Variants in UBL3 observed in about 807,000 individuals in gnomAD.
The protein encoded by UBL3 is ubiquitin like 3.
In UBL3, 6 loss-of-function variants were observed where a neutral mutation model predicts 18.4. The observed-to-expected ratio is 0.33, with a 90% CI of 0.18 to 0.64. UBL3 has a LOEUF of 0.64. UBL3 is among the 30% of genes least tolerant of loss of function. The pLI is 0.76. For synonymous variants in UBL3, 49 were observed against 46.6 expected (o/e 1.05, Z -0.21); for missense variants, 109 against 142.9 (o/e 0.76, Z 1.21).
intron 2 of UBL3, among the ~76,000 whole-genome samples, chr13:29,773,222 A>C (rs368736090): frequency 4.6e-5 from 7 of 152,180 alleles, no homozygotes; most frequent in Admixed American, 3.3e-4. Context: ...CAAAATGATG[A>C]ATGTGAATTT....
intron 1 of UBL3, among the ~76,000 whole-genome samples, chr13:29,818,155 G>A (rs1408145463): frequency 1.3e-5 from 2 of 152,120 alleles, no homozygotes; most frequent in African/African-American, 2.4e-5. Flanking sequence ...GTGAAAAAAG[G>A]AAGTTCAGCA....
At chr13:29,817,954 T>C in intron 1 of UBL3, among the ~76,000 whole-genome samples, 1 of 152,244 alleles carries the variant, frequency 6.6e-6, no homozygotes, top group Admixed American at 6.5e-5. Context: ...TAGCCTGAAC[T>C]GACAGCAAAA....
intron 1 of UBL3, among the ~76,000 whole-genome samples, chr13:29,823,803 ACCCATTAACT>A (rs1380150632): frequency 3.3e-5 from 5 of 151,776 alleles, no homozygotes; most frequent in Non-Finnish European, 7.4e-5. Context: ...GGTGTGCTGC[ACCCATTAACT>A]CGTCATTTAC....
At chr13:29,804,073 T>A (rs1877840634) in intron 1 of UBL3, among the ~76,000 whole-genome samples, 2 of 149,776 alleles carry the variant, frequency 1.3e-5, no homozygotes, top group African/African-American at 2.5e-5. Flanking sequence ...CATAAGACAA[T>A]CCTCAGCTAA....
chr13:29,772,098 A>T lies in UBL3; in HGVS notation c.223+14T>A, dbSNP rs774860902. ...GAGACAGACATTAAATCCCATTACA[A>T]AGGTGGCTGTTACCTCCTAATGTGA... On this transcript the variant is annotated intron_variant, in intron 3 of 4. Coordinates refer to ENST00000380680, the MANE Select transcript of UBL3 (RefSeq NM_007106.4). 4 of 1,602,726 alleles carry T rather than the reference A, an allele frequency of 2.5e-6. No homozygotes were observed. The Admixed American group carries it at 6.7e-5, about 27-fold the overall frequency.
intron 1 of UBL3, among the ~76,000 whole-genome samples, chr13:29,833,147 G>C (rs532856124): frequency 3.2e-4 from 48 of 152,318 alleles, no homozygotes; most frequent in African/African-American, 1.2e-3. Flanking sequence ...GCCTGGATTA[G>C]CATGTGAGTG....
chr13:29,779,168 G>C, intron 1 of UBL3: 1 of 478,654 alleles, frequency 2.1e-6, no homozygotes, highest in Non-Finnish European at 4.1e-6. Flanking sequence ...ATTTCCTATA[G>C]CAAATCAGTA....
At chr13:29,785,388 T>C (rs545244174) in intron 1 of UBL3, among the ~76,000 whole-genome samples, 23 of 152,336 alleles carry the variant, frequency 1.5e-4, no homozygotes, top group African/African-American at 5.5e-4. Flanking sequence ...TTGGTGTTTA[T>C]GTCGGTCTCT....
chr13:29,842,389 C>G (rs1222645177), intron 1 of UBL3, among the ~76,000 whole-genome samples: 1 of 152,002 alleles, frequency 6.6e-6, no homozygotes, highest in Non-Finnish European at 1.5e-5. Flanking sequence ...GAACTCCTGA[C>G]CTCAAGTGAT....
At chr13:29,772,061 T>C in intron 3 of UBL3, 51 bp downstream of exon 3, 1 of 1,457,952 alleles carries the variant, frequency 6.9e-7, no homozygotes. Context: ...AACAAGCGAA[T>C]CATGCTACCA....
chr13:29,804,285 T>C (rs1459416845), intron 1 of UBL3, among the ~76,000 whole-genome samples: 1 of 152,018 alleles, frequency 6.6e-6, no homozygotes, highest in Non-Finnish European at 1.5e-5. Context: ...AACAAAGATA[T>C]AACATACCAA....
At chr13:29,848,443 G>A (rs1170620729) in intron 1 of UBL3, among the ~76,000 whole-genome samples, 1 of 151,670 alleles carries the variant, frequency 6.6e-6, no homozygotes, top group African/African-American at 2.4e-5. Flanking sequence ...GGCAACAAGA[G>A]CAAAACTCCG....
intron 1 of UBL3, among the ~76,000 whole-genome samples, chr13:29,843,363 C>T (rs796844906): frequency 3.0e-4 from 45 of 152,206 alleles, no homozygotes; most frequent in African/African-American, 9.4e-4. Flanking sequence ...ACTAAAAATG[C>T]TATTACTATT....
rs138645112 is a variant in UBL3 at position 29,766,953 on chromosome 13, C to G, written c.*302G>C. ...TCTGATGATGAAAATTTTGTGGCAG[C>G]AAAATGGTTTCTGCTACGAAAGATA... is the stretch of plus-strand genomic sequence containing the variant. On this transcript the variant is annotated 3_prime_UTR_variant, in exon 5 of 5. Coordinates refer to ENST00000380680, the MANE Select transcript of UBL3 (RefSeq NM_007106.4). The G allele has an allele frequency of 7.7e-4, 182 of 237,032 alleles. No individual in the cohort carries two copies. Among genetic ancestry groups the G allele is most frequent in the African/African-American group, 3.9e-3 (172 of 44,350 alleles). The allele number at this position is 237,032 out of a possible 1,614,324, so 14.7% of individuals were successfully genotyped here.
rs1484197770 is a variant in UBL3 at position 29,849,567 on chromosome 13, T to C, written c.-29A>G. On this transcript the variant is annotated 5_prime_UTR_variant, in exon 1 of 5. Coordinates refer to ENST00000380680, the MANE Select transcript of UBL3 (RefSeq NM_007106.4). ...GCCGTTTGATATACACCCAGATGTTTACGAAAAAAACAAACAAAGAAAAAA... is the reference window on the plus strand; with the variant it reads ...GCCGTTTGATATACACCCAGATGTTCACGAAAAAAACAAACAAAGAAAAAA... The C allele has an allele frequency of 2.5e-6, 4 of 1,613,094 alleles. No individual in the cohort carries two copies. In the East Asian group the frequency reaches 8.9e-5, roughly 36 times the overall value.
intron 1 of UBL3, among the ~76,000 whole-genome samples, chr13:29,831,637 T>C (rs1878775498): frequency 6.7e-6 from 1 of 150,296 alleles, no homozygotes; most frequent in Non-Finnish European, 1.5e-5. Flanking sequence ...TGATTATATG[T>C]CTTTCTATAT....
intron 3 of UBL3, among the ~76,000 whole-genome samples, chr13:29,769,171 T>C (rs1429916893): frequency 6.6e-6 from 1 of 152,066 alleles, no homozygotes; most frequent in Non-Finnish European, 1.5e-5. Flanking sequence ...CATCATCATT[T>C]TGAGATAGCA....
intron 1 of UBL3, among the ~76,000 whole-genome samples, chr13:29,792,048 T>C (rs1877492997): frequency 6.6e-6 from 1 of 152,148 alleles, no homozygotes; most frequent in African/African-American, 2.4e-5. Context: ...ATCCTGCTTT[T>C]AAATCAAAAA....
intron 1 of UBL3, chr13:29,779,165 A>T: frequency 2.1e-6 from 1 of 477,214 alleles, no homozygotes; most frequent in Non-Finnish European, 4.1e-6. Flanking sequence ...TTTATTTCCT[A>T]TAGCAAATCA....
Sources: gnomAD v4.1 joint callset for allele counts (sites outside exome capture counted in the v4.1 genomes callset) on GRCh38, gnomAD v4.1.1 for gene constraint, MANE v1.5 for transcripts, NCBI Gene and HGNC (gene_info 2026-07-23, HGNC 2026-07-21) for gene names.